The following MARK3 variants were observed in gnomAD, a reference collection of about 807,000 sequenced individuals.
The protein encoded by MARK3 is MAP/microtubule affinity-regulating kinase 3.
A neutral mutation model predicts 90.1 loss-of-function variants in MARK3; 46 were observed. The observed-to-expected ratio is 0.51, with a 90% CI of 0.40 to 0.65. MARK3 has a LOEUF of 0.65. Ranked by LOEUF, MARK3 falls within the 30% of genes least tolerant of loss-of-function variation. The pLI is 0.00. For missense variants in MARK3, 818 were observed against 947.2 expected, an observed-to-expected ratio of 0.86 and a Z score of 1.79; for synonymous variants, 321 against 332.6, an observed-to-expected ratio of 0.97 and a Z score of 0.38.
At chr14:103,491,092 A>C (rs766518510) in intron 14 of MARK3, 3 of 1,275,426 alleles carry the variant, frequency 2.4e-6, no homozygotes, top group Non-Finnish European at 2.0e-6. Flanking sequence ...AGTGAAGGAG[A>C]TAACTTCAAG....
chr14:103,406,576 G>A (rs1312203993), intron 2 of MARK3, among the ~76,000 whole-genome samples: 1 of 151,690 alleles, frequency 6.6e-6, no homozygotes, highest in African/African-American at 2.4e-5. Flanking sequence ...CATATATTAG[G>A]TGTCTGGGAG....
At chr14:103,460,893 T>C (rs188887119) in intron 6 of MARK3, among the ~76,000 whole-genome samples, 391 of 152,320 alleles carry the variant, frequency 2.6e-3, no homozygotes, top group African/African-American at 8.9e-3. Context: ...TAACAGATGC[T>C]CTAAAACCCG....
At chr14:103,429,410 T>C (rs2092512022) in intron 3 of MARK3, 1 of 152,262 alleles carries the variant, frequency 6.6e-6, no homozygotes, top group Non-Finnish European at 1.5e-5. Flanking sequence ...AAAAGGGCTT[T>C]GTAAACTGCA....
intron 1 of MARK3, among the ~76,000 whole-genome samples, chr14:103,396,769 C>G (rs972917626): frequency 6.6e-6 from 1 of 151,976 alleles, no homozygotes; most frequent in Admixed American, 6.6e-5. Context: ...GGACTCCATC[C>G]CTTCACATCT....
intron 3 of MARK3, among the ~76,000 whole-genome samples, chr14:103,442,819 T>C (rs968577902): frequency 6.6e-6 from 1 of 152,038 alleles, no homozygotes; most frequent in East Asian, 1.9e-4. Context: ...AACTAATAGT[T>C]TAGAAAAGGG....
At chr14:103,389,220 C>T (rs1366407290) in intron 1 of MARK3, among the ~76,000 whole-genome samples, 9 of 151,572 alleles carry the variant, frequency 5.9e-5, no homozygotes, top group East Asian at 1.9e-4. Flanking sequence ...AAAAATTAGC[C>T]GGGCGTGGTG....
chr14:103,386,563 A>C (rs1159778548), intron 1 of MARK3, among the ~76,000 whole-genome samples: 1 of 152,200 alleles, frequency 6.6e-6, no homozygotes, highest in Non-Finnish European at 1.5e-5. Flanking sequence ...TCTGGAACTA[A>C]ATTTAATCAC....
chr14:103,502,015 A>G (rs1190197466), intron 17 of MARK3, among the ~76,000 whole-genome samples: 1 of 152,218 alleles, frequency 6.6e-6, no homozygotes, highest in Non-Finnish European at 1.5e-5. Flanking sequence ...CTAGGCACTC[A>G]CTGTCTTAAT....
chr14:103,387,649 C>T (rs1209411728), intron 1 of MARK3, among the ~76,000 whole-genome samples: 1 of 151,872 alleles, frequency 6.6e-6, no homozygotes, highest in Non-Finnish European at 1.5e-5. Context: ...TGCACCACCA[C>T]GCCCGGCTAA....
chr14:103,464,652 G>A lies in MARK3; in HGVS notation c.541-905G>A, dbSNP rs115459070. ...GATTCTCCCCTCCTCATTAACAGCC[G>A]TTTTATAGCTATTTAGCCGTTTTTA... On this transcript the variant is annotated intron_variant, in intron 7 of 17. Transcript: ENST00000429436. Among the ~76,000 whole-genome samples the A allele has an allele frequency of 2.8e-3, 424 of 152,128 alleles. 5 individuals carry two copies. The highest frequency in any genetic ancestry group is 9.6e-3 in the African/African-American group (397 of 41,490).
chr14:103,462,491 CT>C, intron 7 of MARK3, 30 bp downstream of exon 7: 1 of 1,548,916 alleles, frequency 6.5e-7, no homozygotes, highest in South Asian at 1.1e-5. Flanking sequence ...TCAGTGTATG[CT>C]CTGTCTGTTT....
intron 3 of MARK3, among the ~76,000 whole-genome samples, chr14:103,440,091 GCTTT>G (rs2092813857): frequency 6.6e-6 from 1 of 152,160 alleles, no homozygotes; most frequent in Admixed American, 6.5e-5. Context: ...AGCCGCTTTT[GCTTT>G]CTTTTACCTA....
At chr14:103,458,737 C>T (rs1463133104) in intron 6 of MARK3, 1 of 724,510 alleles carries the variant, frequency 1.4e-6, no homozygotes, top group South Asian at 1.5e-5. Flanking sequence ...GGTTGTCAAG[C>T]TGGACAGACT....
At chr14:103,427,922 C>T (rs1184763976) in intron 2 of MARK3, among the ~76,000 whole-genome samples, 1 of 152,176 alleles carries the variant, frequency 6.6e-6, no homozygotes, top group Non-Finnish European at 1.5e-5. Flanking sequence ...CCTCCTATCT[C>T]ACCCTGTGAC....
At position 103,465,992 on chromosome 14, in the gene MARK3, A is replaced by G; in HGVS notation, c.798A>G (p.Leu266=). 6.2e-7 allele frequency: 1 copy of G among 1,613,764 alleles called. No individual in the cohort carries two copies. ...QNLKELRERV[L]RGKYRIPFYM... is the part of the protein sequence containing the mutation. ...CAAAGGAACTGAGAGAGAGAGTATT[A>G]AGAGGGAAATACAGAATTCCCTTCT... Residue 266 remains leucine (L), a synonymous_variant, in exon 9 of 18, where the codon TTA becomes TTG. Coordinates refer to ENST00000429436, the MANE Select transcript of MARK3 (RefSeq NM_001128918.3).
intron 12 of MARK3, among the ~76,000 whole-genome samples, chr14:103,474,100 G>C (rs901589329): frequency 1.3e-5 from 2 of 151,624 alleles, no homozygotes; most frequent in African/African-American, 4.8e-5. Context: ...AGCTACTCCG[G>C]AGGCTGAGGC....
At position 103,451,934 on chromosome 14, in the gene MARK3, C is replaced by T. The variant is rs747248036; in HGVS notation, c.363C>T (p.Val121=). 2 of 1,611,882 alleles carry T rather than the reference C, an allele frequency of 1.2e-6. No homozygotes were observed. Among genetic ancestry groups the T allele is most frequent in the Non-Finnish European group, 1.7e-6 (2 of 1,178,782 alleles). Residue 121 remains valine (V), a synonymous_variant, in exon 5 of 18, where the codon GTC becomes GTT. Coordinates refer to ENST00000429436, the MANE Select transcript of MARK3 (RefSeq NM_001128918.3). ...NHPNIVKLFE[V]IETEKTLYLI... Reference sequence around the variant, plus strand: ...CTCCCGCAGTGAAGTTATTCGAAGTCATTGAAACTGAAAAAACACTCTACC... The same window carrying T: ...CTCCCGCAGTGAAGTTATTCGAAGTTATTGAAACTGAAAAAACACTCTACC...
chr14:103,412,298 T>C, intron 2 of MARK3: 1 of 645,486 alleles, frequency 1.5e-6, no homozygotes, highest in East Asian at 2.7e-5. Flanking sequence ...CATGTTCATA[T>C]GAAACTTGAT....
At chr14:103,452,673 G>A (rs915898952) in intron 5 of MARK3, among the ~76,000 whole-genome samples, 4 of 151,212 alleles carry the variant, frequency 2.6e-5, no homozygotes, top group Non-Finnish European at 5.9e-5. Context: ...GGGTTTCACC[G>A]TGTTAGCCAG....
Sources: allele counts gnomAD v4.1 joint callset (sites outside exome capture counted in the v4.1 genomes callset), GRCh38; gene constraint gnomAD v4.1.1; transcripts MANE v1.5; gene names NCBI Gene and HGNC (gene_info 2026-07-23, HGNC 2026-07-21).